AGBL1: variants seen among roughly 807,000 people sequenced by gnomAD.
AGBL1 encodes the protein AGBL carboxypeptidase 1, also known as cytosolic carboxypeptidase 4.
A neutral mutation model predicts 118.9 loss-of-function variants in AGBL1; 130 were observed. The ratio of observed to expected loss-of-function variants is 1.09; its 90% CI spans 0.95 to 1.26. The LOEUF is 1.26. Ranked by LOEUF, AGBL1 falls within the 50% of genes most tolerant of loss-of-function variation. The pLI, the probability that AGBL1 is intolerant of heterozygous loss-of-function variation, is 0.00. For synonymous variants in AGBL1, 555 were observed against 478.9 expected (o/e 1.16, Z -2.08); for missense variants, 1,584 against 1,298.1 (o/e 1.22, Z -3.38).
chr15:86,587,645 G>A (rs1201897653), intron 21 of AGBL1, among the ~76,000 whole-genome samples: 1 of 152,158 alleles, frequency 6.6e-6, no homozygotes, highest in Non-Finnish European at 1.5e-5. Flanking sequence ...AGCAGTGAGG[G>A]TGTGTACCTT....
At chr15:86,683,739 A>T (rs2086003951) in intron 22 of AGBL1, among the ~76,000 whole-genome samples, 1 of 152,204 alleles carries the variant, frequency 6.6e-6, no homozygotes, top group African/African-American at 2.4e-5. Context: ...TAGCAACTGC[A>T]GCCCTTCCCA....
At chr15:86,759,992 C>G (rs962672882) in intron 22 of AGBL1, among the ~76,000 whole-genome samples, 1 of 152,018 alleles carries the variant, frequency 6.6e-6, no homozygotes, top group African/African-American at 2.4e-5. Flanking sequence ...CAGCAGGCTT[C>G]CATTTATAGG....
intron 17 of AGBL1, among the ~76,000 whole-genome samples, chr15:86,368,825 T>C (rs1242195944): frequency 6.6e-6 from 1 of 152,218 alleles, no homozygotes; most frequent in Admixed American, 6.5e-5. Context: ...GAAAGATTTG[T>C]CTTTCAAAAG....
chr15:86,466,668 T>G (rs1045731980), intron 18 of AGBL1, among the ~76,000 whole-genome samples: 1 of 152,236 alleles, frequency 6.6e-6, no homozygotes, highest in Admixed American at 6.5e-5. Context: ...GACCTTCAGA[T>G]GGAGTTTTTG....
intron 18 of AGBL1, among the ~76,000 whole-genome samples, chr15:86,404,047 C>T (rs921175896): frequency 1.3e-5 from 2 of 152,144 alleles, no homozygotes; most frequent in African/African-American, 4.8e-5. Context: ...ACTTCAAATC[C>T]TTTGTTCATT....
At position 86,247,974 on chromosome 15, in the gene AGBL1, G is replaced by A. The variant is rs375416779; in HGVS notation, c.735+95G>A. On this transcript the variant is annotated intron_variant, in intron 7 of 22. Coordinates refer to ENST00000614907, the MANE Select transcript of AGBL1 (RefSeq NM_001386094.1). ...AATCATCCCAGATAGAGCTGGGAAC[G>A]CCTCAGTCTATTTCTTGTTGCCTGC... is the stretch of plus-strand genomic sequence containing the variant. 168 of 1,441,878 alleles carry A rather than the reference G, an allele frequency of 1.2e-4. No homozygotes were observed. In the African/African-American group the frequency reaches 1.8e-3, roughly 15 times the overall value. The allele number at this position is 1,441,878 out of a possible 1,614,324, so 89.3% of individuals were successfully genotyped here.
chr15:86,937,711 C>G (rs984047990), intron 23 of AGBL1, among the ~76,000 whole-genome samples: 8 of 152,102 alleles, frequency 5.3e-5, no homozygotes, highest in Non-Finnish European at 1.0e-4. Context: ...GGGCTTAATA[C>G]CTGGGTGATG....
At chr15:86,325,375 G>A (rs543938572) in intron 17 of AGBL1, among the ~76,000 whole-genome samples, 1 of 152,146 alleles carries the variant, frequency 6.6e-6, no homozygotes, top group East Asian at 1.9e-4. Context: ...GGGAAGGAAA[G>A]TTTCTTAAAT....
Position 86,458,512 on chromosome 15 carries a change from T to C in AGBL1, c.2555+60966T>C, listed in dbSNP as rs1020822512. Among the ~76,000 whole-genome samples the C allele has an allele frequency of 1.8e-4, 27 of 152,304 alleles. 1 individual carries two copies. The highest frequency in any genetic ancestry group is 1.6e-3 in the Admixed American group (24 of 15,294). On this transcript the variant is annotated intron_variant, in intron 18 of 22. Coordinates refer to ENST00000614907, the MANE Select transcript of AGBL1 (RefSeq NM_001386094.1). ...ATTCCACGGTAGTCAGTCTGTTACA[T>C]TGTTTCTATCAGAGCTATCTTTTTT...
intron 22 of AGBL1, among the ~76,000 whole-genome samples, chr15:86,820,695 G>A (rs1257095436): frequency 1.3e-5 from 2 of 152,296 alleles, no homozygotes; most frequent in East Asian, 3.9e-4. Context: ...AAACTGGAGA[G>A]GATGTGGAGA....
chr15:86,222,145 T>G (rs2078290332), intron 5 of AGBL1, among the ~76,000 whole-genome samples: 1 of 152,088 alleles, frequency 6.6e-6, no homozygotes, highest in Admixed American at 6.6e-5. Flanking sequence ...GAATTTCCTC[T>G]CCGATATCAC....
chr15:86,587,857 C>T (rs923060917), intron 21 of AGBL1, among the ~76,000 whole-genome samples: 3 of 152,164 alleles, frequency 2.0e-5, no homozygotes, highest in Non-Finnish European at 4.4e-5. Flanking sequence ...CCATTAGGAT[C>T]AAAATCACAA....
At chr15:86,733,691 A>G (rs946751277) in intron 22 of AGBL1, among the ~76,000 whole-genome samples, 1 of 152,210 alleles carries the variant, frequency 6.6e-6, no homozygotes, top group African/African-American at 2.4e-5. Context: ...TGTGCTCGTA[A>G]CAATCTTATG....
At chr15:86,459,150 C>A (rs1316065170) in intron 18 of AGBL1, among the ~76,000 whole-genome samples, 6 of 152,128 alleles carry the variant, frequency 3.9e-5, no homozygotes, top group Admixed American at 3.9e-4. Flanking sequence ...GTGCAGTAAT[C>A]ACGTGAGTGT....
intron 19 of AGBL1, among the ~76,000 whole-genome samples, chr15:86,543,140 C>T (rs1359620000): frequency 6.6e-6 from 1 of 151,784 alleles, no homozygotes; most frequent in Non-Finnish European, 1.5e-5. Context: ...TTTATGATCC[C>T]AATTTATCTC....
In AGBL1 at chr15:86,596,806, A is replaced by T. The variant is rs115681715; in HGVS notation, c.2994+42269A>T. Among the ~76,000 whole-genome samples, 889 of 152,258 alleles carry T rather than the reference A, an allele frequency of 5.8e-3. 7 individuals carry two copies. Among genetic ancestry groups the T allele is most frequent in the African/African-American group, 0.02 (824 of 41,544 alleles). The stretch of plus-strand genomic sequence containing the variant: ...ACCTTCAGAGTTTCTGAATCTATTT[A>T]CCTTGCTTTCCTTCTTCTTTTTCCC... On this transcript the variant is annotated intron_variant, in intron 21 of 22. Transcript: ENST00000614907.
At chr15:86,455,906 T>TCATC (rs2082253041) in intron 18 of AGBL1, among the ~76,000 whole-genome samples, 1 of 152,160 alleles carries the variant, frequency 6.6e-6, no homozygotes, top group Admixed American at 6.6e-5. Context: ...CTATACTTTC[T>TCATC]CATCCATCCA....
chr15:86,735,654 A>ATATAT (rs2077584155), intron 22 of AGBL1, among the ~76,000 whole-genome samples: 3 of 105,062 alleles, frequency 2.9e-5, no homozygotes, highest in Non-Finnish European at 5.7e-5. Context: ...CTACAAAGAG[A>ATATAT]GATATATATA....
chr15:86,367,077 T>C (rs926397539), intron 17 of AGBL1, among the ~76,000 whole-genome samples: 5 of 152,218 alleles, frequency 3.3e-5, no homozygotes, highest in Non-Finnish European at 7.3e-5. Context: ...TTTAATTTCA[T>C]GGAAGCCTGA....
Sources: allele counts gnomAD v4.1 joint callset (sites outside exome capture counted in the v4.1 genomes callset), GRCh38; gene constraint gnomAD v4.1.1; transcripts MANE v1.5; gene names NCBI Gene and HGNC (gene_info 2026-07-23, HGNC 2026-07-21).